The following OR52N4 variants were observed in gnomAD, a reference collection of about 807,000 sequenced individuals.
OR52N4 encodes the protein olfactory receptor family 52 subfamily N member 4.
In OR52N4, 15 loss-of-function variants were observed where a neutral mutation model predicts 15.0. The observed-to-expected ratio is 1.00, with a 90% CI of 0.67 to 1.54. OR52N4 has a LOEUF of 1.54. Ranked by LOEUF, OR52N4 falls within the 40% of genes most tolerant of loss-of-function variation. The pLI is 0.00. For missense variants in OR52N4, 421 were observed against 394.0 expected (o/e 1.07, Z -0.58); for synonymous variants, 143 against 143.7 (o/e 1.00, Z 0.03).
the OR52N4 span, among the ~76,000 whole-genome samples, chr11:5,739,392 T>A: frequency 1.6e-5 from 2 of 123,520 alleles, no homozygotes; most frequent in African/African-American, 5.8e-5. Flanking sequence ...CTATAAAAAA[T>A]ACAAATAAAT....
At position 5,754,862 on chromosome 11, in the gene OR52N4, T is replaced by C. The variant is rs1348248981; in HGVS notation, c.122T>C (p.Met41Thr). 11 of 1,613,858 alleles carry C rather than the reference T, an allele frequency of 6.8e-6. No individual in the cohort carries two copies. The South Asian group carries it at 9.9e-5, about 14-fold the overall frequency. ...FPFCSMYVVAMVGNCGLLYLI... is the reference protein window; with the variant it reads ...FPFCSMYVVATVGNCGLLYLI... The stretch of plus-strand genomic sequence containing the variant: ...TTCTGCTCTATGTATGTTGTGGCTA[T>C]GGTAGGGAATTGTGGACTCCTCTAC... The change falls in exon 2 of 2, where the codon ATG becomes ACG. Residue 41 changes from methionine (M) to threonine (T), a missense_variant. By Grantham distance (81) the Met-to-Thr change is moderately conservative (BLOSUM62 -1). Transcript: ENST00000641350.
At chr11:5,754,558 A>G (rs12364723) in intron 1 of OR52N4, 135 bp from the exon 2 acceptor site, 101,137 of 577,774 alleles carry the variant, frequency 0.18, 9,361 homozygotes, top group East Asian at 0.22. Flanking sequence ...TAAACAGACA[A>G]ACAAAATTAT....
At chr11:5,729,399 C>T in the OR52N4 span, among the ~76,000 whole-genome samples, 2 of 152,030 alleles carry the variant, frequency 1.3e-5, no homozygotes, top group African/African-American at 2.4e-5. Flanking sequence ...GGATTACAGG[C>T]GTGAGCCACC....
chr11:5,748,034 C>T, the OR52N4 span, among the ~76,000 whole-genome samples: 1 of 150,078 alleles, frequency 6.7e-6, no homozygotes, highest in South Asian at 2.1e-4. Context: ...TCATATTTTT[C>T]TTTTGAAAGG....
At chr11:5,730,594 C>T in the OR52N4 span, among the ~76,000 whole-genome samples, 1 of 151,770 alleles carries the variant, frequency 6.6e-6, no homozygotes, top group Non-Finnish European at 1.5e-5. Context: ...ACAATCCCAG[C>T]TTTTCTTTCA....
the OR52N4 span, among the ~76,000 whole-genome samples, chr11:5,731,659 GTTAA>G: frequency 6.6e-6 from 1 of 152,040 alleles, no homozygotes; most frequent in East Asian, 1.9e-4. Flanking sequence ...ATTTTCTAAG[GTTAA>G]TTGACAGGTA....
chr11:5,731,083 T>C, the OR52N4 span, among the ~76,000 whole-genome samples: 1 of 152,188 alleles, frequency 6.6e-6, no homozygotes, highest in Non-Finnish European at 1.5e-5. Context: ...GTTCAGTTAA[T>C]AGAGAATTTA....
the OR52N4 span, among the ~76,000 whole-genome samples, chr11:5,731,238 T>G: frequency 2.0e-5 from 3 of 152,202 alleles, no homozygotes; most frequent in African/African-American, 7.2e-5. Context: ...TACTTCATAT[T>G]CTGCAGTCTA....
At chr11:5,737,256 T>C in the OR52N4 span, 1 of 1,614,028 alleles carries the variant, frequency 6.2e-7, no homozygotes, top group Non-Finnish European at 8.5e-7. Flanking sequence ...GCCAAGGCCC[T>C]GAGCACTTGT....
chr11:5,750,080 G>A (rs745411635), upstream of OR52N4, among the ~76,000 whole-genome samples: 5 of 151,688 alleles, frequency 3.3e-5, no homozygotes, highest in African/African-American at 9.7e-5. Context: ...AAGGTATGCC[G>A]AAAACAAGAA....
chr11:5,755,774 C>T lies in OR52N4; in HGVS notation c.*68C>T. 6.5e-7 allele frequency: 1 copy of T among 1,535,140 alleles called. No individual in the cohort carries two copies. Among genetic ancestry groups the T allele is most frequent in the African/African-American group, 1.4e-5 (1 of 72,612 alleles). The stretch of plus-strand genomic sequence containing the variant: ...TCTATTTGCCTCTTATGCAGGAGTT[C>T]ATAAAATCTTTCTGGAAGCACTGTA... On this transcript the variant is annotated 3_prime_UTR_variant, in exon 2 of 2. Coordinates refer to ENST00000641350, the MANE Select transcript of OR52N4 (RefSeq NM_001005175.5).
the OR52N4 span, among the ~76,000 whole-genome samples, chr11:5,749,204 T>C: frequency 6.6e-6 from 1 of 152,006 alleles, no homozygotes; most frequent in Non-Finnish European, 1.5e-5. Context: ...TGTTCTGCTA[T>C]CCAGAAACGA....
chr11:5,739,390 A>T, the OR52N4 span, among the ~76,000 whole-genome samples: 1 of 124,132 alleles, frequency 8.1e-6, no homozygotes, highest in Non-Finnish European at 1.8e-5. Context: ...CTCTATAAAA[A>T]ATACAAATAA....
chr11:5,747,568 A>G, the OR52N4 span, among the ~76,000 whole-genome samples: 5 of 151,926 alleles, frequency 3.3e-5, no homozygotes, highest in African/African-American at 4.8e-5. Flanking sequence ...TGTACATGAT[A>G]AACATCTACA....
chr11:5,739,934 C>G, the OR52N4 span, among the ~76,000 whole-genome samples: 87,781 of 127,118 alleles, frequency 0.69, 37,445 homozygotes, highest in Non-Finnish European at 0.79. Flanking sequence ...CTAAGACTTT[C>G]TCAGAGCTGC....
At chr11:5,745,108 T>C in the OR52N4 span, among the ~76,000 whole-genome samples, 2 of 152,052 alleles carry the variant, frequency 1.3e-5, no homozygotes, top group Non-Finnish European at 2.9e-5. Flanking sequence ...TGGGCAAAAG[T>C]TGAAATCATT....
upstream of OR52N4, among the ~76,000 whole-genome samples, chr11:5,753,988 CAAAAAAAAA>C (rs60504408): frequency 3.8e-5 from 3 of 79,666 alleles, no homozygotes; most frequent in Non-Finnish European, 7.2e-5. Flanking sequence ...GACTCTGCCT[CAAAAAAAAA>C]AAAAAAAAAA....
rs574734485 is a variant in OR52N4 at position 5,755,534 on chromosome 11, G to T, written c.794G>T (p.Arg265Leu). 1.2e-6 allele frequency: 2 copies of T among 1,613,534 alleles called. No individual in the cohort carries two copies. The highest frequency in any genetic ancestry group is 1.3e-5 in the African/African-American group (1 of 74,834). The change falls in exon 2 of 2, where the codon CGC becomes CTC. Residue 265 changes from arginine to leucine, a missense_variant. Physicochemically the swap from Arg to Leu is moderately radical, Grantham distance 102. Transcript: ENST00000641350. ...TPAFFSFFSH[R>L]FGEHIIPPSC... Reference sequence around the variant, plus strand: ...GCTTTCTTCTCCTTCTTTTCCCACCGCTTTGGGGAACACATAATCCCCCCT... The same window carrying T: ...GCTTTCTTCTCCTTCTTTTCCCACCTCTTTGGGGAACACATAATCCCCCCT...
At position 5,755,187 on chromosome 11, in the gene OR52N4, C is replaced by A. The variant is rs747961859; in HGVS notation, c.447C>A (p.Ala149=). The part of the protein sequence containing the change: ...TNPVIAKVGT[A]TFLRGVLLII... Reference sequence around the variant, plus strand: ...CTGTAATTGCAAAGGTTGGGACTGCCACCTTCCTGAGAGGGGTATTACTCA... The same window carrying A: ...CTGTAATTGCAAAGGTTGGGACTGCAACCTTCCTGAGAGGGGTATTACTCA... The change falls in exon 2 of 2, where the codon GCC becomes GCA. Residue 149 remains alanine (A), a synonymous_variant. Coordinates refer to ENST00000641350, the MANE Select transcript of OR52N4 (RefSeq NM_001005175.5). 1.9e-6 allele frequency: 3 copies of A among 1,613,948 alleles called. No homozygotes were observed. Among genetic ancestry groups the A allele is most frequent in the Non-Finnish European group, 2.5e-6 (3 of 1,179,994 alleles).
Sources: allele counts gnomAD v4.1 joint callset (sites outside exome capture counted in the v4.1 genomes callset), GRCh38; gene constraint gnomAD v4.1.1; transcripts MANE v1.5; gene names NCBI Gene and HGNC (gene_info 2026-07-23, HGNC 2026-07-21).